The following CEP170 variants were observed in gnomAD, a reference collection of about 807,000 sequenced individuals.
CEP170 encodes the protein centrosomal protein 170, also known as centrosomal protein of 170 kDa.
Under a neutral mutation model 151.9 loss-of-function variants are expected in CEP170, and 21 were observed. The observed-to-expected ratio is 0.14, with a 90% CI of 0.10 to 0.20. The LOEUF is 0.20. CEP170 is among the 10% of genes least tolerant of loss of function. The probability of loss-of-function intolerance (pLI) is 1.00; values close to 1 mark genes in which losing one functional copy is unlikely to be tolerated. For synonymous variants in CEP170, 356 were observed against 648.8 expected (o/e 0.55, Z 6.86); for missense variants, 964 against 1,892.9 (o/e 0.51, Z 9.11).
At chr1:243,232,095 A>T (rs2149068722) in intron 1 of CEP170, among the ~76,000 whole-genome samples, 1 of 152,158 alleles carries the variant, frequency 6.6e-6, no homozygotes, top group African/African-American at 2.4e-5. Flanking sequence ...CTTCTTGAGT[A>T]ACGGGGACTA....
At chr1:243,232,298 C>T (rs967832675) in intron 1 of CEP170, among the ~76,000 whole-genome samples, 1 of 152,084 alleles carries the variant, frequency 6.6e-6, no homozygotes, top group Non-Finnish European at 1.5e-5. Context: ...AGTACTTGTT[C>T]TTGAAAGCAG....
In CEP170 at chr1:243,199,208, G is replaced by A; in HGVS notation, c.497-14C>T. The A allele has an allele frequency of 2.5e-6, 4 of 1,605,996 alleles. No individual in the cohort carries two copies. Among genetic ancestry groups the A allele is most frequent in the Non-Finnish European group, 3.4e-6 (4 of 1,175,894 alleles). On this transcript the variant is annotated splice_polypyrimidine_tract_variant and intron_variant, in intron 6 of 19. Transcript: ENST00000366542. ...TAGCAGAAATATCTGGAAAGAGGTGGGAAAAATCTGTCTAAAGCAGATGAA... is the reference window on the plus strand; with the variant it reads ...TAGCAGAAATATCTGGAAAGAGGTGAGAAAAATCTGTCTAAAGCAGATGAA...
intron 1 of CEP170, among the ~76,000 whole-genome samples, chr1:243,234,853 GC>G (rs1317365269): frequency 2.6e-5 from 4 of 152,046 alleles, no homozygotes; most frequent in Non-Finnish European, 4.4e-5. Flanking sequence ...TATTATAAAA[GC>G]AAATGGTTTT....
intron 1 of CEP170, among the ~76,000 whole-genome samples, chr1:243,236,848 G>T (rs1367682253): frequency 2.0e-5 from 3 of 152,166 alleles, no homozygotes; most frequent in Non-Finnish European, 4.4e-5. Context: ...AAAGTCAAAT[G>T]CTTTGATTCA....
chr1:243,135,858 T>C (rs977019987), intron 17 of CEP170: 3 of 174,218 alleles, frequency 1.7e-5, no homozygotes, highest in Admixed American at 6.0e-5. Context: ...TCACAAACCA[T>C]GTTCAAATAC....
chr1:243,130,206 T>G (rs949670468), intron 17 of CEP170, among the ~76,000 whole-genome samples: 1 of 152,164 alleles, frequency 6.6e-6, no homozygotes, highest in African/African-American at 2.4e-5. Context: ...TTGAATTAGG[T>G]ATAAACAATT....
In CEP170 at chr1:243,165,919, C is replaced by G. The variant is rs769904418; in HGVS notation, c.2041G>C (p.Glu681Gln). The G allele has an allele frequency of 1.2e-5, 19 of 1,613,688 alleles. No individual in the cohort carries two copies. In the African/African-American group the frequency reaches 2.5e-4, roughly 22 times the overall value. Residue 681 changes from glutamate to glutamine, a missense_variant, in exon 13 of 20, where the codon GAA (glutamate) becomes CAA (glutamine). Coordinates refer to ENST00000366542, the MANE Select transcript of CEP170 (RefSeq NM_014812.3). ...TTCTGGTATACCTGTGTAGGTGTTT[C>G]TTTCTCCTGAAGTTCTGTGTCTTGT... ...EKQDTELQEK[E>Q]TPTQVYQKDK...
chr1:243,222,315 A>C (rs1403421900), intron 2 of CEP170, among the ~76,000 whole-genome samples: 1 of 152,220 alleles, frequency 6.6e-6, no homozygotes, highest in African/African-American at 2.4e-5. Context: ...ATGGGCTCTA[A>C]AACTGGAATT....
chr1:243,245,864 T>C (rs2065338643), intron 1 of CEP170, among the ~76,000 whole-genome samples: 1 of 151,842 alleles, frequency 6.6e-6, no homozygotes, highest in Non-Finnish European at 1.5e-5. Context: ...GAGGATCCCT[T>C]GAGCCCAGGA....
At chr1:243,237,638 A>C (rs1335696914) in intron 1 of CEP170, among the ~76,000 whole-genome samples, 1 of 152,230 alleles carries the variant, frequency 6.6e-6, no homozygotes, top group East Asian at 1.9e-4. Flanking sequence ...ATGGTGGCTC[A>C]CGCCTGTAAT....
At chr1:243,225,895 T>C (rs1490216853) in intron 1 of CEP170, among the ~76,000 whole-genome samples, 1 of 151,702 alleles carries the variant, frequency 6.6e-6, no homozygotes, top group Admixed American at 6.6e-5. Context: ...TTCTGAAACA[T>C]TCTGTTCTTG....
At chr1:243,189,577 G>C (rs2060175968) in intron 8 of CEP170, among the ~76,000 whole-genome samples, 2 of 150,006 alleles carry the variant, frequency 1.3e-5, no homozygotes, top group Admixed American at 1.3e-4. Flanking sequence ...AAAAAAAATA[G>C]TAGTAATAAT....
At chr1:243,168,396 G>T (rs1169591372) in intron 12 of CEP170, 1 of 151,884 alleles carries the variant, frequency 6.6e-6, no homozygotes, top group Non-Finnish European at 1.5e-5. Context: ...GGGTCTTTTT[G>T]CTTTTTAACT....
In CEP170 at chr1:243,240,711, A is replaced by G. The variant is rs565204231; in HGVS notation, c.-42+14329T>C. 6.0e-5 allele frequency among the ~76,000 whole-genome samples: 9 copies of G among 150,698 alleles called. No homozygotes were observed. In the South Asian group the frequency reaches 1.7e-3, roughly 28 times the overall value. ...GCACTTATTTATTCATTTATTTTTG[A>G]GACAGAGTTTTTGCTCTGTTGCCCA... On this transcript the variant is annotated intron_variant, in intron 1 of 19. Transcript: ENST00000366542.
intron 1 of CEP170, among the ~76,000 whole-genome samples, chr1:243,238,813 T>G (rs1358618650): frequency 6.6e-6 from 1 of 152,238 alleles, no homozygotes; most frequent in Non-Finnish European, 1.5e-5. Flanking sequence ...TAACGGTTCA[T>G]GGTTGAAAAT....
intron 16 of CEP170, among the ~76,000 whole-genome samples, chr1:243,139,428 G>T (rs1217248528): frequency 2.0e-5 from 3 of 151,868 alleles, no homozygotes; most frequent in African/African-American, 7.3e-5. Context: ...TGATTGGAGG[G>T]AGTTTTTTAT....
chr1:243,207,303 T>C lies in CEP170; in HGVS notation c.274+4583A>G, dbSNP rs929970027. Among the ~76,000 whole-genome samples, 8 of 152,300 alleles carry C rather than the reference T, an allele frequency of 5.3e-5. No homozygotes were observed. The East Asian group carries it at 7.7e-4, about 15-fold the overall frequency. ...ATCTTATTATGGATAAAGCAGGTCA[T>C]TGCATAATGATAGAGGGGGATAATT... is the stretch of plus-strand genomic sequence containing the variant. On this transcript the variant is annotated intron_variant, in intron 4 of 19. Transcript: ENST00000366542.
At position 243,154,620 on chromosome 1, in the gene CEP170, G is replaced by A. The variant is rs138202868; in HGVS notation, c.3911+1601C>T. Among the ~76,000 whole-genome samples, 458 of 152,290 alleles carry A rather than the reference G, an allele frequency of 3.0e-3. 1 individual carries two copies. The highest frequency in any genetic ancestry group is 0.01 in the African/African-American group (435 of 41,568). On this transcript the variant is annotated intron_variant, in intron 14 of 19. Transcript: ENST00000366542. Reference sequence around the variant, plus strand: ...AGCATAGTGCTACTGACAAACTAGAGGGATAAGGCATGAACATCACTGTAG... The same window carrying A: ...AGCATAGTGCTACTGACAAACTAGAAGGATAAGGCATGAACATCACTGTAG...
intron 1 of CEP170, among the ~76,000 whole-genome samples, chr1:243,244,355 T>C (rs1483642125): frequency 6.2e-5 from 3 of 48,334 alleles, no homozygotes; most frequent in African/African-American, 9.4e-5. Context: ...GAGCTCCTTG[T>C]ATCACACACA....
Sources: gnomAD v4.1 joint callset for allele counts (sites outside exome capture counted in the v4.1 genomes callset) on GRCh38, gnomAD v4.1.1 for gene constraint, MANE v1.5 for transcripts, NCBI Gene and HGNC (gene_info 2026-07-23, HGNC 2026-07-21) for gene names.